PTPRC: variants seen among roughly 807,000 people sequenced by gnomAD.
The protein encoded by PTPRC is protein tyrosine phosphatase receptor type C, also known as receptor-type tyrosine-protein phosphatase C.
PTPRC carries 44 observed loss-of-function variants against 155.9 expected under a neutral mutation model. That is an observed-to-expected ratio of 0.28 (90% CI 0.22 to 0.36). PTPRC has a LOEUF of 0.36. Among genes scored for constraint, PTPRC ranks in the 10% least tolerant of loss-of-function variants. The probability of loss-of-function intolerance (pLI) is 1.00; values close to 1 mark genes in which losing one functional copy is unlikely to be tolerated. For missense variants in PTPRC, 1,401 were observed against 1,564.6 expected (o/e 0.90, Z 1.76); for synonymous variants, 525 against 533.1 (o/e 0.98, Z 0.21).
At chr1:198,666,423 C>T (rs1664310554) in intron 2 of PTPRC, among the ~76,000 whole-genome samples, 1 of 151,966 alleles carries the variant, frequency 6.6e-6, no homozygotes. Context: ...GGCTCCAAAA[C>T]AGATGCTTTG....
intron 2 of PTPRC, among the ~76,000 whole-genome samples, chr1:198,653,082 G>A (rs1663344896): frequency 6.6e-6 from 1 of 151,594 alleles, no homozygotes; most frequent in Non-Finnish European, 1.5e-5. Context: ...ACACTGTAAA[G>A]GTATTTTCTA....
chr1:198,686,470 A>G (rs147210454), intron 2 of PTPRC, among the ~76,000 whole-genome samples: 13 of 152,322 alleles, frequency 8.5e-5, no homozygotes, highest in Non-Finnish European at 1.9e-4. Flanking sequence ...GGAACACTAG[A>G]TATATTACTG....
intron 2 of PTPRC, among the ~76,000 whole-genome samples, chr1:198,648,501 A>T (rs1053955372): frequency 2.0e-5 from 3 of 151,752 alleles, no homozygotes; most frequent in Admixed American, 1.3e-4. Context: ...GGAATTTAAG[A>T]CATGACTGTG....
In PTPRC at chr1:198,755,907, A is replaced by C. The variant is rs1445599939; in HGVS notation, c.3647A>C (p.Glu1216Ala). Residue 1216 changes from glutamate (E) to alanine (A), a missense_variant and splice_region_variant, in exon 33 of 33, where the codon GAG (glutamate) becomes GCG (alanine). Coordinates refer to ENST00000442510, the MANE Select transcript of PTPRC (RefSeq NM_002838.5). The stretch of plus-strand genomic sequence containing the variant: ...TTTCCCACTTAATTCCTTTACTAGG[A>C]GCAATATCAATTCCTATATGACGTC... ...KARPGMVSTF[E>A]QYQFLYDVIA... The C allele has an allele frequency of 6.2e-7, 1 of 1,608,672 alleles. No individual in the cohort carries two copies. Among genetic ancestry groups the C allele is most frequent in the Admixed American group, 1.7e-5 (1 of 59,894 alleles).
chr1:198,663,938 A>G (rs2102265175), intron 2 of PTPRC, among the ~76,000 whole-genome samples: 1 of 152,212 alleles, frequency 6.6e-6, no homozygotes, highest in Admixed American at 6.5e-5. Context: ...CAAAAGCAAA[A>G]TATTTTTTCT....
intron 3 of PTPRC, chr1:198,692,964 A>T (rs1450008352): frequency 2.2e-6 from 2 of 925,852 alleles, no homozygotes; most frequent in Non-Finnish European, 1.3e-6. Flanking sequence ...GTACATACAA[A>T]ATAAGAGAAA....
At chr1:198,707,470 G>A (rs1300729319) in intron 9 of PTPRC, among the ~76,000 whole-genome samples, 6 of 152,088 alleles carry the variant, frequency 3.9e-5, no homozygotes, top group East Asian at 1.9e-4. Flanking sequence ...GACAGGCGTC[G>A]GGCAGACTCT....
chr1:198,714,439 A>T (rs1445255409), intron 12 of PTPRC, among the ~76,000 whole-genome samples: 1 of 152,118 alleles, frequency 6.6e-6, no homozygotes, highest in East Asian at 1.9e-4. Flanking sequence ...GGTCCTTCTT[A>T]TTGGGCAACT....
intron 2 of PTPRC, among the ~76,000 whole-genome samples, chr1:198,667,286 T>C (rs1281257299): frequency 6.6e-6 from 1 of 152,212 alleles, no homozygotes; most frequent in East Asian, 1.9e-4. Flanking sequence ...AAAGAAATTA[T>C]TCTTGTTTTC....
At chr1:198,652,174 G>A (rs886979699) in intron 2 of PTPRC, among the ~76,000 whole-genome samples, 6 of 151,892 alleles carry the variant, frequency 4.0e-5, no homozygotes, top group Non-Finnish European at 5.9e-5. Context: ...CAGTACAGGA[G>A]AAAGCTGTGC....
At position 198,749,088 on chromosome 1, in the gene PTPRC, TATATC is replaced by T. The variant is rs532369556; in HGVS notation, c.2939-326_2939-322del. Among the ~76,000 whole-genome samples, 292 of 151,792 alleles carry T rather than the reference TATATC, an allele frequency of 1.9e-3. 1 individual carries two copies. Among genetic ancestry groups the T allele is most frequent in the Admixed American group, 3.1e-3 (47 of 15,210 alleles). On this transcript the variant is annotated intron_variant, in intron 27 of 32. Coordinates refer to ENST00000442510, the MANE Select transcript of PTPRC (RefSeq NM_002838.5). ...ATCTACGCTATGTATTTTGTAAACTTATATCAAGCAGAATTATAATAGTCCATGGG... is the reference window on the plus strand; with the variant it reads ...ATCTACGCTATGTATTTTGTAAACTTAAGCAGAATTATAATAGTCCATGGG...
chr1:198,725,722 G>A (rs1354081613), intron 15 of PTPRC, among the ~76,000 whole-genome samples: 1 of 152,002 alleles, frequency 6.6e-6, no homozygotes, highest in African/African-American at 2.4e-5. Context: ...TGTTATTGTT[G>A]TTGTTGTTGT....
intron 2 of PTPRC, among the ~76,000 whole-genome samples, 174 bp downstream of exon 2, chr1:198,639,515 G>C (rs1662457291): frequency 6.6e-6 from 1 of 151,948 alleles, no homozygotes; most frequent in Non-Finnish European, 1.5e-5. Flanking sequence ...AGAATACATT[G>C]TTTCTGTTTA....
intron 23 of PTPRC, among the ~76,000 whole-genome samples, chr1:198,736,758 C>A (rs75521050): frequency 0.03 from 4,524 of 151,582 alleles, 207 homozygotes; most frequent in East Asian, 0.22. Flanking sequence ...TTTTGAGAAA[C>A]CTCCAAACAG....
intron 21 of PTPRC, 37 bp downstream of exon 21, chr1:198,734,269 A>G: frequency 1.2e-6 from 2 of 1,609,884 alleles, no homozygotes; most frequent in Non-Finnish European, 1.7e-6. Flanking sequence ...TTTTTGAAAA[A>G]TTTTTATAGC....
intron 32 of PTPRC, 100 bp downstream of exon 32, chr1:198,754,504 T>C: frequency 1.4e-6 from 2 of 1,400,858 alleles, no homozygotes; most frequent in East Asian, 2.3e-5. Context: ...TCTCGTTTGT[T>C]CTTTTTTCCC....
intron 12 of PTPRC, among the ~76,000 whole-genome samples, chr1:198,715,530 C>A (rs1231756782): frequency 2.0e-5 from 3 of 151,888 alleles, no homozygotes; most frequent in African/African-American, 7.2e-5. Flanking sequence ...ATCTTTTGTG[C>A]TTTATTGGAT....
chr1:198,707,567 T>G (rs1300124451), intron 9 of PTPRC, among the ~76,000 whole-genome samples: 1 of 152,192 alleles, frequency 6.6e-6, no homozygotes, highest in Non-Finnish European at 1.5e-5. Context: ...ATTTAATAAT[T>G]CAAGACTATT....
At chr1:198,729,305 A>C (rs1654284242) in intron 17 of PTPRC, 134 bp downstream of exon 17, 2 of 1,141,224 alleles carry the variant, frequency 1.8e-6, no homozygotes, top group Admixed American at 3.0e-5. Context: ...GTGGTGGTGC[A>C]ATCTCTGCTT....
Sources: allele counts gnomAD v4.1 joint callset (sites outside exome capture counted in the v4.1 genomes callset), GRCh38; gene constraint gnomAD v4.1.1; transcripts MANE v1.5; gene names NCBI Gene and HGNC (gene_info 2026-07-23, HGNC 2026-07-21).